METTL2B: variants seen among roughly 807,000 people sequenced by gnomAD.
The protein encoded by METTL2B is tRNA N(3)-cytidine methyltransferase METTL2B.
In METTL2B, 28 loss-of-function variants were observed where a neutral mutation model predicts 51.0. The observed-to-expected ratio is 0.55, with a 90% CI of 0.41 to 0.75. The LOEUF is 0.75. Among genes scored for constraint, METTL2B ranks in the 30% least tolerant of loss-of-function variants. METTL2B has a pLI of 0.00. For synonymous variants in METTL2B, 128 were observed against 166.3 expected (o/e 0.77, Z 1.77); for missense variants, 313 against 460.7 (o/e 0.68, Z 2.93).
rs547352265 is a variant in METTL2B at position 128,500,115 on chromosome 7, C to T, written c.917-788C>T. 5.9e-5 allele frequency among the ~76,000 whole-genome samples: 9 copies of T among 152,092 alleles called. No homozygotes were observed. In the South Asian group the frequency reaches 1.5e-3, roughly 25 times the overall value. ...ATACACGTGTGATGATTTGGGCATT[C>T]GGGAAGGTCTAGAAGTATGTGCCAG... On this transcript the variant is annotated intron_variant, in intron 7 of 8. Transcript: ENST00000262432.
chr7:128,501,088 C>G, intron 8 of METTL2B, 120 bp downstream of exon 8: 2 of 1,545,212 alleles, frequency 1.3e-6, no homozygotes, highest in Non-Finnish European at 1.7e-6. Flanking sequence ...TCCTTCGGTT[C>G]CCCGCTGCTC....
At position 128,478,854 on chromosome 7, in the gene METTL2B, ACT is replaced by A. The variant is rs1435462108; in HGVS notation, c.203-301_203-300del. Among the ~76,000 whole-genome samples the A allele has an allele frequency of 3.3e-5, 5 of 152,026 alleles. No individual in the cohort carries two copies. The East Asian group carries it at 9.8e-4, about 30-fold the overall frequency. Reference sequence around the variant, plus strand: ...ACTCCAGCCTGGGTGACAGAGCGAGACTCTGTCTCAAAAAGAAAAAAAAGTCA... The same window carrying A: ...ACTCCAGCCTGGGTGACAGAGCGAGACTGTCTCAAAAAGAAAAAAAAGTCA... On this transcript the variant is annotated intron_variant, in intron 2 of 8. Coordinates refer to ENST00000262432, the MANE Select transcript of METTL2B (RefSeq NM_018396.3).
intron 7 of METTL2B, among the ~76,000 whole-genome samples, chr7:128,499,692 T>C (rs923979482): frequency 2.0e-5 from 3 of 148,632 alleles, no homozygotes; most frequent in African/African-American, 7.4e-5. Context: ...CTAATTTTTT[T>C]GTATTTTTAG....
rs748092719 is a variant in METTL2B at position 128,501,839 on chromosome 7, C to T, written c.1060C>T (p.Arg354Ter). 25 of 1,614,060 alleles carry T rather than the reference C, an allele frequency of 1.5e-5. No individual in the cohort carries two copies. Among genetic ancestry groups the T allele is most frequent in the South Asian group, 5.5e-5 (5 of 91,090 alleles). ...NLVDRRLQVN[R>*]GKQLTMYRVW... Reference sequence around the variant, plus strand: ...GGTGGACCGCCGACTGCAGGTGAACCGAGGGAAGCAACTGACAATGTACCG... The same window carrying T: ...GGTGGACCGCCGACTGCAGGTGAACTGAGGGAAGCAACTGACAATGTACCG... The change falls in exon 9 of 9, where the codon CGA becomes TGA. Residue 354 changes from arginine to a stop codon, truncating the protein, a stop_gained. Coordinates refer to ENST00000262432, the MANE Select transcript of METTL2B (RefSeq NM_018396.3). LOFTEE classifies it high-confidence loss of function.
chr7:128,505,268 A>T lies in METTL2B; in HGVS notation c.*3352A>T, dbSNP rs1234343058. 3 of 150,554 alleles carry T rather than the reference A, an allele frequency of 2.0e-5. No individual in the cohort carries two copies. Among genetic ancestry groups the T allele is most frequent in the Non-Finnish European group, 3.0e-5 (2 of 67,042 alleles). 9.3% of individuals were successfully genotyped at this position (150,554 alleles called of 1,614,324 possible). A position where few individuals can be genotyped will look rare whatever the true frequency, so the allele number is the denominator to read the frequency against. On this transcript the variant is annotated 3_prime_UTR_variant, in exon 9 of 9. Transcript: ENST00000262432. ...GGGCAACAGTGAGACTCCGTCTCAA[A>T]ATAAAAAAACAAAAAAAATGTAAAA...
Position 128,503,432 on chromosome 7 carries a change from G to GTTT in METTL2B, c.*1516_*1517insTTT, listed in dbSNP as rs1793067301. 1.9e-5 allele frequency: 2 copies of GTTT among 102,644 alleles called. No individual in the cohort carries two copies. Among genetic ancestry groups the GTTT allele is most frequent in the South Asian group, 3.3e-4 (1 of 3,056 alleles). 6.4% of individuals were successfully genotyped at this position (102,644 alleles called of 1,614,324 possible). A position where few individuals can be genotyped will look rare whatever the true frequency, so the allele number is the denominator to read the frequency against. On this transcript the variant is annotated 3_prime_UTR_variant, in exon 9 of 9. Transcript: ENST00000262432. ...AATGTGATCACTGTCAGTGTTAGATGCTTTTTTTTTTTTTTTTTAGGAGAC... is the reference window on the plus strand; with the variant it reads ...AATGTGATCACTGTCAGTGTTAGATGTTTCTTTTTTTTTTTTTTTTTAGGAGAC...
chr7:128,489,466 A>G (rs1792784085), intron 5 of METTL2B, among the ~76,000 whole-genome samples: 1 of 151,440 alleles, frequency 6.6e-6, no homozygotes, highest in Admixed American at 6.6e-5. Flanking sequence ...GAAAAAAAAT[A>G]GTTTATTGCT....
intron 4 of METTL2B, among the ~76,000 whole-genome samples, chr7:128,486,971 G>A (rs1792730275): frequency 6.6e-6 from 1 of 152,214 alleles, no homozygotes; most frequent in Admixed American, 6.5e-5. Flanking sequence ...AACAGGACAG[G>A]CATGGACCCT....
At chr7:128,497,895 A>T (rs1792951472) in intron 6 of METTL2B, 141 bp from the exon 7 acceptor site, 1 of 772,462 alleles carries the variant, frequency 1.3e-6, no homozygotes, top group African/African-American at 1.8e-5. Flanking sequence ...CTTCAGTTCT[A>T]ACTGAAGAGT....
Position 128,493,828 on chromosome 7 carries a change from C to A in METTL2B, c.694C>A (p.Arg232=). The change falls in exon 6 of 9, where the codon CGG becomes AGG. Residue 232 remains arginine (R), a synonymous_variant. Coordinates refer to ENST00000262432, the MANE Select transcript of METTL2B (RefSeq NM_018396.3). ...VQTNSEYDPS[R]CFAFVHDLCD... is the part of the protein sequence containing the mutation. The stretch of plus-strand genomic sequence containing the variant: ...GACAAATTCAGAATATGATCCTTCT[C>A]GGTGTTTTGCCTTTGTTCACGACCT... 6.2e-7 allele frequency: 1 copy of A among 1,610,036 alleles called. No individual in the cohort carries two copies. The highest frequency in any genetic ancestry group is 8.5e-7 in the Non-Finnish European group (1 of 1,178,928).
At chr7:128,492,930 G>C (rs1453244082) in intron 5 of METTL2B, among the ~76,000 whole-genome samples, 1 of 151,784 alleles carries the variant, frequency 6.6e-6, no homozygotes, top group East Asian at 1.9e-4. Context: ...AGTATGTGCT[G>C]TCTCTCTCCT....
In METTL2B at chr7:128,479,419, C is replaced by G. The variant is rs71376910; in HGVS notation, c.464C>G (p.Pro155Arg). The G allele has an allele frequency of 1.9e-6, 3 of 1,614,218 alleles. No individual in the cohort carries two copies. Among genetic ancestry groups the G allele is most frequent in the Non-Finnish European group, 2.5e-6 (3 of 1,180,016 alleles). The change falls in exon 3 of 9, where the codon CCT becomes CGT. Residue 155 changes from proline to arginine, a missense_variant. Physicochemically the swap from Pro to Arg is moderately radical, Grantham distance 103 (BLOSUM62 -2). Transcript: ENST00000262432. ...SKSLEHKTQT[P>R]PVEENVTQKI... ...AGCCTTGAACATAAAACACAGACAC[C>G]TCCTGTGGAGGAGAATGTAACTCAG... is the stretch of plus-strand genomic sequence containing the variant.
intron 2 of METTL2B, 101 bp downstream of exon 2, chr7:128,477,274 C>T: frequency 3.3e-6 from 5 of 1,495,948 alleles, no homozygotes; most frequent in Non-Finnish European, 4.6e-6. Context: ...ATCCTTTATT[C>T]CTGGCCTGAT....
chr7:128,499,913 CTT>C (rs2116868549), intron 7 of METTL2B, among the ~76,000 whole-genome samples: 1 of 152,300 alleles, frequency 6.6e-6, no homozygotes, highest in South Asian at 2.1e-4. Context: ...AGGAGCAAAA[CTT>C]TGTAAACAAA....
chr7:128,488,490 A>G (rs3993547), intron 5 of METTL2B: 1 of 508,172 alleles, frequency 2.0e-6, no homozygotes, highest in Non-Finnish European at 4.0e-6. Context: ...CTTTTTTACT[A>G]TTATGTATGT....
chr7:128,499,350 T>C (rs915340616), intron 7 of METTL2B, among the ~76,000 whole-genome samples: 1 of 152,146 alleles, frequency 6.6e-6, no homozygotes, highest in Admixed American at 6.5e-5. Context: ...AAAAAGAAAT[T>C]GTTACAGCCT....
chr7:128,493,458 C>T (rs532958658), intron 5 of METTL2B, among the ~76,000 whole-genome samples: 3 of 152,252 alleles, frequency 2.0e-5, no homozygotes, highest in African/African-American at 2.4e-5. Context: ...GTGGTCCTCC[C>T]GCCTTGGCCT....
chr7:128,486,119 C>A (rs2116850156), intron 4 of METTL2B, among the ~76,000 whole-genome samples: 1 of 152,094 alleles, frequency 6.6e-6, no homozygotes, highest in East Asian at 1.9e-4. Context: ...CATGGCGAAA[C>A]CCCATCTTTA....
At chr7:128,480,424 C>T (rs865883275) in intron 3 of METTL2B, among the ~76,000 whole-genome samples, 1 of 151,996 alleles carries the variant, frequency 6.6e-6, no homozygotes, top group Non-Finnish European at 1.5e-5. Context: ...TTTTCTAGAC[C>T]ACCTCGTTTC....
Sources: gnomAD v4.1 joint callset for allele counts (sites outside exome capture counted in the v4.1 genomes callset) on GRCh38, gnomAD v4.1.1 for gene constraint, MANE v1.5 for transcripts, NCBI Gene and HGNC (gene_info 2026-07-23, HGNC 2026-07-21) for gene names.